The following NCK2 variants were observed in gnomAD, a reference collection of about 807,000 sequenced individuals.
The protein encoded by NCK2 is NCK adaptor protein 2, also known as cytoplasmic protein NCK2.
Under a neutral mutation model 33.9 loss-of-function variants are expected in NCK2, and 16 were observed. The observed-to-expected ratio is 0.47, with a 90% confidence interval of 0.32 to 0.72. The LOEUF (loss-of-function observed/expected upper bound fraction) is 0.72. Among genes scored for constraint, NCK2 ranks in the 30% least tolerant of loss-of-function variants. The probability of loss-of-function intolerance (pLI) is 0.03; values close to 1 mark genes in which losing one functional copy is unlikely to be tolerated. For missense variants in NCK2, 418 were observed against 537.3 expected, an observed-to-expected ratio of 0.78 and a Z score of 2.19; for synonymous variants, 273 against 239.9, an observed-to-expected ratio of 1.14 and a Z score of -1.27.
chr2:105,786,207 G>A (rs1325332698), intron 1 of NCK2, among the ~76,000 whole-genome samples: 1 of 152,192 alleles, frequency 6.6e-6, no homozygotes, highest in African/African-American at 2.4e-5. Flanking sequence ...CAGCACCAGG[G>A]ATGAAAAAAT....
chr2:105,841,086 A>G (rs1676627376), intron 2 of NCK2, among the ~76,000 whole-genome samples: 1 of 152,100 alleles, frequency 6.6e-6, no homozygotes, highest in African/African-American at 2.4e-5. Context: ...ACAAGTCCAG[A>G]CTCATTTCTT....
At chr2:105,835,423 A>ATATATACG (rs59154186) in intron 2 of NCK2, among the ~76,000 whole-genome samples, 2 of 102,102 alleles carry the variant, frequency 2.0e-5, no homozygotes, top group African/African-American at 3.8e-5. Context: ...ATATATATAT[A>ATATATACG]TTTTTTTTTT....
chr2:105,867,861 AC>A (rs1428935448), intron 3 of NCK2, among the ~76,000 whole-genome samples: 2 of 152,236 alleles, frequency 1.3e-5, no homozygotes, highest in Non-Finnish European at 2.9e-5. Flanking sequence ...TCTTAAGTTT[AC>A]GAATAAAGAA....
chr2:105,820,691 T>C (rs1261292703), intron 2 of NCK2, among the ~76,000 whole-genome samples: 1 of 152,184 alleles, frequency 6.6e-6, no homozygotes, highest in East Asian at 1.9e-4. Context: ...GAAAAGTGAC[T>C]GTAATTGATT....
At chr2:105,831,082 T>G (rs953745034) in intron 2 of NCK2, among the ~76,000 whole-genome samples, 1 of 152,178 alleles carries the variant, frequency 6.6e-6, no homozygotes, top group African/African-American at 2.4e-5. Context: ...TAGTTTGATA[T>G]AGTCCCATTT....
intron 1 of NCK2, among the ~76,000 whole-genome samples, chr2:105,791,708 A>C (rs1487841054): frequency 6.6e-6 from 1 of 152,206 alleles, no homozygotes; most frequent in Non-Finnish European, 1.5e-5. Context: ...CAATTCAGGC[A>C]AATCAGTGGT....
intron 2 of NCK2, chr2:105,846,397 T>C (rs1047632358): frequency 6.6e-6 from 1 of 152,088 alleles, no homozygotes; most frequent in Non-Finnish European, 1.5e-5. Context: ...TAAACTCACA[T>C]TTTAAGGCAT....
chr2:105,761,555 A>G lies in NCK2; in HGVS notation c.-201+16417A>G, dbSNP rs865914656. 2.6e-5 allele frequency among the ~76,000 whole-genome samples: 4 copies of G among 152,176 alleles called. No homozygotes were observed. The South Asian group carries it at 6.2e-4, about 24-fold the overall frequency. On this transcript the variant is annotated intron_variant, in intron 1 of 4. Transcript: ENST00000233154. Reference sequence around the variant, plus strand: ...TTCATTCACATAGATATAATTTATAATAATGCATTTTGTTTATTAAAAAAT... The same window carrying G: ...TTCATTCACATAGATATAATTTATAGTAATGCATTTTGTTTATTAAAAAAT...
chr2:105,878,930 T>G (rs1343910971), intron 3 of NCK2, among the ~76,000 whole-genome samples: 1 of 152,240 alleles, frequency 6.6e-6, no homozygotes, highest in Non-Finnish European at 1.5e-5. Flanking sequence ...AAGTCTAGTT[T>G]GCTGCCTGGT....
intron 1 of NCK2, among the ~76,000 whole-genome samples, chr2:105,771,940 G>A (rs1690147799): frequency 6.6e-6 from 1 of 152,110 alleles, no homozygotes; most frequent in Non-Finnish European, 1.5e-5. Context: ...GGCTGTTCCA[G>A]GGCCTCATTT....
At chr2:105,784,165 G>T (rs949124483) in intron 1 of NCK2, among the ~76,000 whole-genome samples, 2 of 152,160 alleles carry the variant, frequency 1.3e-5, no homozygotes, top group African/African-American at 4.8e-5. Flanking sequence ...GTGCAGTGGC[G>T]TCATCTCTGT....
intron 3 of NCK2, among the ~76,000 whole-genome samples, chr2:105,859,557 G>A (rs2104596548): frequency 6.6e-6 from 1 of 152,376 alleles, no homozygotes; most frequent in East Asian, 1.9e-4. Flanking sequence ...AGAGGCTACT[G>A]AGAGGGCTCC....
At chr2:105,813,887 C>G (rs114034521) in intron 1 of NCK2, among the ~76,000 whole-genome samples, 2 of 152,364 alleles carry the variant, frequency 1.3e-5, no homozygotes, top group African/African-American at 2.4e-5. Flanking sequence ...CCTTCCAGCC[C>G]TCCCTCCTTT....
chr2:105,766,725 T>C (rs1228837145), intron 1 of NCK2, among the ~76,000 whole-genome samples: 2 of 152,198 alleles, frequency 1.3e-5, no homozygotes, highest in Non-Finnish European at 2.9e-5. Flanking sequence ...CAGGTGAACA[T>C]CGAACCAGCC....
chr2:105,861,909 C>A (rs1388306613), intron 3 of NCK2, among the ~76,000 whole-genome samples: 4 of 67,948 alleles, frequency 5.9e-5, no homozygotes, highest in Non-Finnish European at 1.4e-4. Context: ...TCTTTCCTCC[C>A]TCCCTCCCTC....
At chr2:105,806,396 T>C (rs571175349) in intron 1 of NCK2, among the ~76,000 whole-genome samples, 190 of 152,080 alleles carry the variant, frequency 1.2e-3, no homozygotes, top group African/African-American at 4.2e-3. Flanking sequence ...CACCACCACG[T>C]CCGGCTAACT....
chr2:105,824,720 G>A (rs973587719), intron 2 of NCK2, among the ~76,000 whole-genome samples: 4 of 152,184 alleles, frequency 2.6e-5, no homozygotes, highest in South Asian at 4.1e-4. Context: ...TTTAACTTCC[G>A]GCCTTGGTTC....
intron 2 of NCK2, among the ~76,000 whole-genome samples, chr2:105,845,756 A>G (rs1676832572): frequency 6.6e-6 from 1 of 152,152 alleles, no homozygotes; most frequent in African/African-American, 2.4e-5. Flanking sequence ...GCTGTGAAAA[A>G]AAAATAGGAA....
In NCK2 at chr2:105,881,694, A is replaced by G; in HGVS notation, c.593A>G (p.His198Arg). Residue 198 changes from histidine to arginine, a missense_variant, in exon 4 of 5, where the codon CAT (histidine) becomes CGT (arginine). Coordinates refer to ENST00000233154, the MANE Select transcript of NCK2 (RefSeq NM_003581.5). ...AATGGCCAGGGCTCCCGCGTGCTGC[A>G]TGTGGTCCAGACGCTGTACCCCTTC... ...LSNGQGSRVL[H>R]VVQTLYPFSS... 1 of 1,614,108 alleles carries G rather than the reference A, an allele frequency of 6.2e-7. No individual in the cohort carries two copies.
Sources: gnomAD v4.1 joint callset for allele counts (sites outside exome capture counted in the v4.1 genomes callset) on GRCh38, gnomAD v4.1.1 for gene constraint, MANE v1.5 for transcripts, NCBI Gene and HGNC (gene_info 2026-07-23, HGNC 2026-07-21) for gene names.